Variants in CDC42BPA observed in about 807,000 individuals in gnomAD.
CDC42BPA encodes the protein CDC42 binding protein kinase alpha.
In CDC42BPA, 80 loss-of-function variants were observed where a neutral mutation model predicts 223.5. The observed-to-expected ratio is 0.36, with a 90% CI of 0.30 to 0.43. CDC42BPA has a LOEUF of 0.43. CDC42BPA is among the 20% of genes least tolerant of loss of function. The pLI, the probability that CDC42BPA is intolerant of heterozygous loss-of-function variation, is 1.00. For synonymous variants in CDC42BPA, 694 were observed against 718.6 expected, an observed-to-expected ratio of 0.97 and a Z score of 0.55; for missense variants, 1,743 against 2,099.9, an observed-to-expected ratio of 0.83 and a Z score of 3.32.
At chr1:227,242,459 A>G (rs1680186927) in intron 2 of CDC42BPA, among the ~76,000 whole-genome samples, 1 of 152,158 alleles carries the variant, frequency 6.6e-6, no homozygotes, top group African/African-American at 2.4e-5. Context: ...ATTGGGAAGA[A>G]CAAATGCTAT....
chr1:227,087,458 A>G (rs1346713565), intron 16 of CDC42BPA, among the ~76,000 whole-genome samples: 1 of 152,242 alleles, frequency 6.6e-6, no homozygotes, highest in Non-Finnish European at 1.5e-5. Context: ...TTAAAATTAC[A>G]TAGTGTTAAT....
At chr1:227,279,731 A>G (rs1687707468) in intron 1 of CDC42BPA, among the ~76,000 whole-genome samples, 1 of 152,140 alleles carries the variant, frequency 6.6e-6, no homozygotes, top group African/African-American at 2.4e-5. Flanking sequence ...AGACTTGAAA[A>G]TAATTTGATT....
intron 16 of CDC42BPA, 119 bp downstream of exon 16, chr1:227,091,767 C>T: frequency 1.9e-6 from 1 of 534,294 alleles, no homozygotes; most frequent in East Asian, 3.1e-5. Context: ...AGCAACATAA[C>T]TCAGGAGAAA....
At chr1:227,148,025 A>G (rs1383070562) in intron 6 of CDC42BPA, among the ~76,000 whole-genome samples, 1 of 152,206 alleles carries the variant, frequency 6.6e-6, no homozygotes, top group Non-Finnish European at 1.5e-5. Flanking sequence ...CTAAGAAAAT[A>G]CACGTCAATA....
chr1:227,206,457 T>C lies in CDC42BPA; in HGVS notation c.354+6679A>G, dbSNP rs748992700. ...ATTAATTATATATTTGACATATGGC[T>C]TGAAACAGAATAAGGTAAATAAGTT... On this transcript the variant is annotated intron_variant, in intron 3 of 36. Transcript: ENST00000366766. Among the ~76,000 whole-genome samples, 10 of 152,264 alleles carry C rather than the reference T, an allele frequency of 6.6e-5. No individual in the cohort carries two copies. The South Asian group carries it at 8.3e-4, about 13-fold the overall frequency.
chr1:227,113,002 A>G, intron 12 of CDC42BPA, 89 bp from the exon 13 acceptor site: 2 of 1,260,472 alleles, frequency 1.6e-6, no homozygotes, highest in Non-Finnish European at 2.2e-6. Flanking sequence ...TAAGTCAAGA[A>G]GAGCCAAAAT....
chr1:227,182,804 A>T (rs1424495292), intron 5 of CDC42BPA: 1 of 152,238 alleles, frequency 6.6e-6, no homozygotes, highest in Non-Finnish European at 1.5e-5. Flanking sequence ...CAATGTGGGC[A>T]AGCAGGTGTT....
At chr1:227,243,878 C>A (rs1404055943) in intron 2 of CDC42BPA, among the ~76,000 whole-genome samples, 1 of 151,866 alleles carries the variant, frequency 6.6e-6, no homozygotes, top group Non-Finnish European at 1.5e-5. Flanking sequence ...ACTTACCCAA[C>A]CCCAAAATGT....
At chr1:227,046,546 T>C (rs1432088396) in intron 23 of CDC42BPA, among the ~76,000 whole-genome samples, 2 of 152,212 alleles carry the variant, frequency 1.3e-5, no homozygotes, top group African/African-American at 4.8e-5. Context: ...TTTGGTTTAA[T>C]TACTTCACAA....
At chr1:227,102,195 T>C (rs1199634812) in intron 14 of CDC42BPA, among the ~76,000 whole-genome samples, 1 of 152,048 alleles carries the variant, frequency 6.6e-6, no homozygotes, top group Non-Finnish European at 1.5e-5. Context: ...GAAGGAAAAA[T>C]ACCCTGACTC....
chr1:227,206,390 A>ATCT lies in CDC42BPA; in HGVS notation c.355-6739_355-6738insAGA, dbSNP rs1205106439. ...TATACCTTTCTGCCCAGGTATAGAA[A>ATCT]AGAGAGGAGGCTTCCTAGCACCTTT... On this transcript the variant is annotated intron_variant, in intron 3 of 36. Transcript: ENST00000366766. Among the ~76,000 whole-genome samples, 23 of 152,332 alleles carry ATCT rather than the reference A, an allele frequency of 1.5e-4. No homozygotes were observed. In the East Asian group the frequency reaches 4.1e-3, roughly 27 times the overall value.
At chr1:227,160,739 T>C (rs1286162572) in intron 5 of CDC42BPA, 103 bp from the exon 6 acceptor site, 1 of 634,102 alleles carries the variant, frequency 1.6e-6, no homozygotes, top group Non-Finnish European at 2.7e-6. Context: ...ATTTTAAAAG[T>C]AATATTCTAA....
intron 2 of CDC42BPA, 129 bp from the exon 3 acceptor site, chr1:227,213,348 A>G: frequency 1.9e-6 from 1 of 538,504 alleles, no homozygotes; most frequent in Non-Finnish European, 3.3e-6. Context: ...TTCAAATTCT[A>G]AGATCCTAAA....
intron 6 of CDC42BPA, among the ~76,000 whole-genome samples, chr1:227,158,039 C>T (rs1294389860): frequency 6.6e-6 from 1 of 151,524 alleles, no homozygotes; most frequent in Non-Finnish European, 1.5e-5. Context: ...CTCACTGCAA[C>T]CTCCACCTCC....
At chr1:226,998,816 G>T (rs1324507278) in intron 35 of CDC42BPA, among the ~76,000 whole-genome samples, 1 of 152,168 alleles carries the variant, frequency 6.6e-6, no homozygotes, top group South Asian at 2.1e-4. Flanking sequence ...AAACTAAAGA[G>T]CTTCTGCACA....
chr1:227,310,894 T>C (rs993958007), intron 1 of CDC42BPA, among the ~76,000 whole-genome samples: 2 of 151,686 alleles, frequency 1.3e-5, no homozygotes, highest in Non-Finnish European at 2.9e-5. Flanking sequence ...GGTTTCACCA[T>C]GTTAGCCAGG....
At chr1:227,239,972 T>C (rs567875690) in intron 2 of CDC42BPA, among the ~76,000 whole-genome samples, 1 of 152,142 alleles carries the variant, frequency 6.6e-6, no homozygotes, top group Non-Finnish European at 1.5e-5. Context: ...AAAGGATGCG[T>C]CCCTATTCTG....
intron 2 of CDC42BPA, 68 bp from the exon 3 acceptor site, chr1:227,213,287 C>A (rs915367548): frequency 5.3e-6 from 4 of 761,268 alleles, no homozygotes; most frequent in African/African-American, 3.7e-5. Flanking sequence ...ATCCATTTTC[C>A]TTTTTCCTCT....
chr1:227,028,876 A>G lies in CDC42BPA; in HGVS notation c.4213T>C (p.Tyr1405His), dbSNP rs1296017129. ...GGATTTCCTTCTCCATTCAAGGGGTATCTTAGAAATCCTGACTGGAATCCC... is the reference window on the plus strand; with the variant it reads ...GGATTTCCTTCTCCATTCAAGGGGTGTCTTAGAAATCCTGACTGGAATCCC... ...CVGFQSGFLR[Y>H]PLNGEGNPYS... The change falls in exon 30 of 37, where the codon TAC (tyrosine) becomes CAC (histidine). Residue 1405 changes from tyrosine (Y) to histidine (H), a missense_variant. This residue lies in a region of CDC42BPA where 678 missense variants were observed against 777.5 expected (regional missense o/e 0.87). Transcript: ENST00000366766. 1 of 1,613,606 alleles carries G rather than the reference A, an allele frequency of 6.2e-7. No homozygotes were observed. Among genetic ancestry groups the G allele is most frequent in the Non-Finnish European group, 8.5e-7 (1 of 1,179,674 alleles).
Sources: gnomAD v4.1 joint callset for allele counts (sites outside exome capture counted in the v4.1 genomes callset) on GRCh38, gnomAD v4.1.1 for gene constraint, gnomAD v4.1.1 regional missense constraint, MANE v1.5 for transcripts, NCBI Gene and HGNC (gene_info 2026-07-23, HGNC 2026-07-21) for gene names.